The following ZNF793 variants were observed in gnomAD, a reference collection of about 807,000 sequenced individuals.
ZNF793 encodes zinc finger protein 793.
Under a neutral mutation model 12.4 loss-of-function variants are expected in ZNF793, and 5 were observed. The observed-to-expected ratio is 0.40, with a 90% CI of 0.21 to 0.84. The LOEUF is 0.84. ZNF793 is among the 40% of genes least tolerant of loss of function. The pLI is 0.35. For synonymous variants in ZNF793, 162 were observed against 172.4 expected, an observed-to-expected ratio of 0.94 and a Z score of 0.47; for missense variants, 456 against 495.0, an observed-to-expected ratio of 0.92 and a Z score of 0.75.
At chr19:37,536,061 T>G (rs1316646902) in intron 7 of ZNF793, 1 of 167,778 alleles carries the variant, frequency 6.0e-6, no homozygotes, top group Non-Finnish European at 1.3e-5. Flanking sequence ...CAATTGTAGT[T>G]GGAACTCAGT....
At chr19:37,508,449 C>G (rs992333044) in intron 2 of ZNF793, 46 bp downstream of exon 2, 2 of 152,106 alleles carry the variant, frequency 1.3e-5, no homozygotes, top group Non-Finnish European at 2.9e-5. Context: ...GTGGTTCATG[C>G]CTGTAATCCC....
At position 37,530,566 on chromosome 19, in the gene ZNF793, C is replaced by T. The variant is rs533510009; in HGVS notation, c.16-1790C>T. On this transcript the variant is annotated intron_variant, in intron 5 of 7. Coordinates refer to ENST00000627814, the MANE Select transcript of ZNF793 (RefSeq NM_001013659.3). ...GCCTTCAAGCATCTGTTTAACAAAG[C>T]ACATCCTGCACAGCCCTTAATCCAT... Among the ~76,000 whole-genome samples the T allele has an allele frequency of 3.4e-3, 516 of 152,290 alleles. 4 individuals carry two copies. The highest frequency in any genetic ancestry group is 0.012 in the African/African-American group (498 of 41,552).
intron 2 of ZNF793, among the ~76,000 whole-genome samples, chr19:37,508,866 G>T (rs1171845696): frequency 6.6e-6 from 1 of 152,100 alleles, no homozygotes; most frequent in African/African-American, 2.4e-5. Context: ...TGTATTCTGA[G>T]AAACTTTTTG....
intron 7 of ZNF793, chr19:37,534,494 ACACT>A (rs1182346711): frequency 1.4e-5 from 2 of 145,762 alleles, no homozygotes; most frequent in Admixed American, 7.0e-5. Context: ...ACACACACTC[ACACT>A]CACACACACA....
chr19:37,532,971 A>G (rs957956117), intron 6 of ZNF793, among the ~76,000 whole-genome samples: 2 of 152,238 alleles, frequency 1.3e-5, no homozygotes, highest in African/African-American at 4.8e-5. Flanking sequence ...CTTATGAGGT[A>G]GTTACTATTA....
At chr19:37,526,615 G>A (rs575847918) in intron 5 of ZNF793, among the ~76,000 whole-genome samples, 123 of 152,332 alleles carry the variant, frequency 8.1e-4, no homozygotes, top group Middle Eastern at 3.4e-3. Flanking sequence ...CCCCCTGTGC[G>A]CTGTGCCCTC....
Position 37,537,736 on chromosome 19 carries a change from A to G in ZNF793, c.1078A>G (p.Thr360Ala), listed in dbSNP as rs1363382619. The G allele has an allele frequency of 1.9e-6, 3 of 1,613,922 alleles. No individual in the cohort carries two copies. The highest frequency in any genetic ancestry group is 2.2e-5 in the East Asian group (1 of 44,892). ...QKSCLNKHWR[T>A]HTGEKPYGCN... ...GTCATGCCTCAATAAACATTGGAGA[A>G]CTCACACAGGAGAGAAGCCCTATGG... The change falls in exon 8 of 8, where the codon ACT becomes GCT. Residue 360 changes from threonine (T) to alanine (A), a missense_variant. Coordinates refer to ENST00000627814, the MANE Select transcript of ZNF793 (RefSeq NM_001013659.3).
chr19:37,533,333 G>T lies in ZNF793; in HGVS notation c.168G>T (p.Val56=), dbSNP rs762305914. The change falls in exon 7 of 8, where the codon GTG becomes GTT. Residue 56 remains valine (V), a synonymous_variant. Coordinates refer to ENST00000627814, the MANE Select transcript of ZNF793 (RefSeq NM_001013659.3). The stretch of plus-strand genomic sequence containing the variant: ...GTTATGAAGGCACCAAACCAGATGT[G>T]ATCCTCAGACTGGAGCAGGAAGAAG... ...SVGYEGTKPD[V]ILRLEQEEAP... The T allele has an allele frequency of 5.6e-6, 9 of 1,613,826 alleles. No individual in the cohort carries two copies. The highest frequency in any genetic ancestry group is 1.3e-5 in the African/African-American group (1 of 74,916).
chr19:37,514,755 G>T (rs927515061), intron 2 of ZNF793, among the ~76,000 whole-genome samples: 1 of 151,928 alleles, frequency 6.6e-6, no homozygotes, highest in Non-Finnish European at 1.5e-5. Flanking sequence ...TCTTATGAAT[G>T]TACATGTAAA....
Position 37,541,762 on chromosome 19 carries a change from A to G in ZNF793, c.*3883A>G, listed in dbSNP as rs1185591429. 2 of 152,262 alleles carry G rather than the reference A, an allele frequency of 1.3e-5. No individual in the cohort carries two copies. The highest frequency in any genetic ancestry group is 2.9e-5 in the Non-Finnish European group (2 of 68,048). The allele number at this position is 152,262 out of a possible 1,614,324, so 9.4% of individuals were successfully genotyped here. A position where few individuals can be genotyped will look rare whatever the true frequency, so the allele number is the denominator to read the frequency against. ...GGTACAATCTTTTGGGTGACAAAAG[A>G]TGCCATCAGCAAACTCAAGAGATAA... is the stretch of plus-strand genomic sequence containing the variant. On this transcript the variant is annotated 3_prime_UTR_variant, in exon 8 of 8. Transcript: ENST00000627814.
chr19:37,521,590 C>T (rs1260358860), intron 3 of ZNF793, among the ~76,000 whole-genome samples: 3 of 151,798 alleles, frequency 2.0e-5, no homozygotes, highest in South Asian at 2.1e-4. Flanking sequence ...ATTATAGGCA[C>T]GCTTCACCAC....
At chr19:37,515,472 C>T (rs8107768) in intron 2 of ZNF793, among the ~76,000 whole-genome samples, 8 of 151,982 alleles carry the variant, frequency 5.3e-5, no homozygotes, top group African/African-American at 1.4e-4. Flanking sequence ...CCCACCCGGC[C>T]AATTTTTTTG....
At position 37,510,031 on chromosome 19, in the gene ZNF793, T is replaced by C. The variant is rs73632231; in HGVS notation, c.-276+1628T>C. Among the ~76,000 whole-genome samples the C allele has an allele frequency of 5.9e-3, 893 of 152,228 alleles. 11 individuals carry two copies. Among genetic ancestry groups the C allele is most frequent in the African/African-American group, 0.02 (838 of 41,536 alleles). Reference sequence around the variant, plus strand: ...TTTCCAAGTTTGAATTGAGATAATTTCATTTATATAACAGATACTTTTCCA... The same window carrying C: ...TTTCCAAGTTTGAATTGAGATAATTCCATTTATATAACAGATACTTTTCCA... On this transcript the variant is annotated intron_variant, in intron 2 of 7. Coordinates refer to ENST00000627814, the MANE Select transcript of ZNF793 (RefSeq NM_001013659.3).
chr19:37,507,821 C>T (rs1226867947), intron 1 of ZNF793, among the ~76,000 whole-genome samples: 2 of 152,196 alleles, frequency 1.3e-5, no homozygotes, highest in African/African-American at 4.8e-5. Flanking sequence ...TTTGTAGTTA[C>T]TGACCTGTAG....
chr19:37,542,372 A>G lies in ZNF793; in HGVS notation c.*4493A>G. The G allele has an allele frequency of 2.9e-6, 1 of 345,164 alleles. No individual in the cohort carries two copies. Among genetic ancestry groups the G allele is most frequent in the Middle Eastern group, 1.0e-3 (1 of 962 alleles). The allele number at this position is 345,164 out of a possible 1,614,324, so 21.4% of individuals were successfully genotyped here. A position where few individuals can be genotyped will look rare whatever the true frequency, so the allele number is the denominator to read the frequency against. ...CGCGCCATTGCACTCCAACCTGGGC[A>G]ACAGAGCAAAAAGATTCCATCTCAA... On this transcript the variant is annotated 3_prime_UTR_variant, in exon 8 of 8. Transcript: ENST00000627814.
chr19:37,511,873 G>A (rs1170967350), intron 2 of ZNF793, among the ~76,000 whole-genome samples: 3 of 152,148 alleles, frequency 2.0e-5, no homozygotes, highest in African/African-American at 7.2e-5. Flanking sequence ...GGGATTTTCA[G>A]TCCCTTGGTC....
chr19:37,518,969 CTA>C (rs2042354806), intron 2 of ZNF793, among the ~76,000 whole-genome samples: 1 of 151,916 alleles, frequency 6.6e-6, no homozygotes, highest in Non-Finnish European at 1.5e-5. Context: ...AGTGTGCACT[CTA>C]AAAATTCTGA....
rs527429181 is a variant in ZNF793, at chr19:37,531,613, C to T, written c.16-743C>T. Among the ~76,000 whole-genome samples the T allele has an allele frequency of 3.1e-3, 468 of 152,290 alleles. 1 individual carries two copies. The highest frequency in any genetic ancestry group is 0.01 in the African/African-American group (436 of 41,562). On this transcript the variant is annotated intron_variant, in intron 5 of 7. Transcript: ENST00000627814. Reference sequence around the variant, plus strand: ...TAGAATGCAGTTTTCCATCTTCCTGCGGAGGAGAGTCAGCTTTCCATATCC... The same window carrying T: ...TAGAATGCAGTTTTCCATCTTCCTGTGGAGGAGAGTCAGCTTTCCATATCC...
chr19:37,523,599 A>C, intron 5 of ZNF793, 145 bp downstream of exon 5: 2 of 746,000 alleles, frequency 2.7e-6, no homozygotes, highest in Non-Finnish European at 2.3e-6. Context: ...GATTTTTCTC[A>C]CAGGAGGTTG....
Sources: gnomAD v4.1 joint callset for allele counts (sites outside exome capture counted in the v4.1 genomes callset) on GRCh38, gnomAD v4.1.1 for gene constraint, MANE v1.5 for transcripts, NCBI Gene and HGNC (gene_info 2026-07-23, HGNC 2026-07-21) for gene names.